The following ITCH variants were observed in gnomAD, a reference collection of about 807,000 sequenced individuals.
ITCH encodes itchy E3 ubiquitin protein ligase.
In ITCH, 28 loss-of-function variants were observed where a neutral mutation model predicts 126.8. The ratio of observed to expected loss-of-function variants is 0.22; its 90% CI spans 0.16 to 0.30. The LOEUF is 0.30. Ranked by LOEUF, ITCH falls within the 10% of genes least tolerant of loss-of-function variation. The pLI is 1.00. For synonymous variants in ITCH, 342 were observed against 340.0 expected (o/e 1.01, Z -0.06); for missense variants, 631 against 1,032.4 (o/e 0.61, Z 5.33).
chr20:34,426,673 A>C, intron 7 of ITCH, among the ~76,000 whole-genome samples: 1 of 150,174 alleles, frequency 6.7e-6, no homozygotes. Context: ...CTGGTCTTGA[A>C]CTCCTGATCT....
intron 6 of ITCH, among the ~76,000 whole-genome samples, chr20:34,421,310 A>G (rs1980733125): frequency 6.6e-6 from 1 of 152,128 alleles, no homozygotes; most frequent in African/African-American, 2.4e-5. Context: ...TGAGATTGCT[A>G]GACACCCAAG....
chr20:34,437,564 C>T (rs1199445344), intron 7 of ITCH, among the ~76,000 whole-genome samples: 5 of 152,222 alleles, frequency 3.3e-5, no homozygotes, highest in Non-Finnish European at 7.3e-5. Flanking sequence ...ACCTCAGCTT[C>T]CCAAAGTGCT....
At chr20:34,461,973 A>T in intron 13 of ITCH, 120 bp from the exon 14 acceptor site, 1 of 950,640 alleles carries the variant, frequency 1.1e-6, no homozygotes, top group Non-Finnish European at 1.6e-6. Flanking sequence ...CAACTGAATT[A>T]CTGAACTGAA....
intron 11 of ITCH, 107 bp downstream of exon 11, chr20:34,445,568 C>A (rs1984356829): frequency 2.9e-6 from 3 of 1,021,204 alleles, no homozygotes; most frequent in East Asian, 2.5e-5. Context: ...GCATGGCAAC[C>A]CAGTTGTTGC....
At chr20:34,430,269 C>A (rs1982106209) in intron 7 of ITCH, among the ~76,000 whole-genome samples, 1 of 152,122 alleles carries the variant, frequency 6.6e-6, no homozygotes, top group Admixed American at 6.6e-5. Context: ...CCTGGAACAG[C>A]CTTACCTTCA....
chr20:34,433,595 T>C (rs1171649545), intron 7 of ITCH, among the ~76,000 whole-genome samples: 1 of 147,136 alleles, frequency 6.8e-6, no homozygotes, highest in Non-Finnish European at 1.5e-5. Context: ...AGGTCAGGGC[T>C]GCAGCGAGCA....
rs2038936634 is a variant in ITCH, at chr20:34,402,930, T to C, written c.71-5721T>C. ...AGTTATTATTAATCGTAATTAAATA[T>C]TACTGCATTTCCCAAATTTATTACA... On this transcript the variant is annotated intron_variant, in intron 3 of 24. Coordinates refer to ENST00000374864, the MANE Select transcript of ITCH (RefSeq NM_031483.7). Among the ~76,000 whole-genome samples the C allele has an allele frequency of 2.0e-5, 3 of 152,212 alleles. No homozygotes were observed. In the South Asian group the frequency reaches 6.2e-4, roughly 32 times the overall value.
At chr20:34,471,673 G>GGTGTGTGTGT (rs10606931) in intron 16 of ITCH, among the ~76,000 whole-genome samples, 158 bp downstream of exon 16, 24 of 69,324 alleles carry the variant, frequency 3.5e-4, no homozygotes, top group South Asian at 9.6e-4. Flanking sequence ...GGGCTTAAGG[G>GGTGTGTGTGT]GTGTGTGTGT....
At chr20:34,413,696 C>T in intron 5 of ITCH, 46 bp from the exon 6 acceptor site, 1 of 1,573,386 alleles carries the variant, frequency 6.4e-7, no homozygotes, top group Non-Finnish European at 8.7e-7. Context: ...GATGCCTTAA[C>T]TGGGAAAAAA....
At chr20:34,486,172 G>A (rs1989097610) in intron 20 of ITCH, among the ~76,000 whole-genome samples, 2 of 151,782 alleles carry the variant, frequency 1.3e-5, no homozygotes, top group Admixed American at 1.3e-4. Context: ...GTACTACCAT[G>A]CCTGGCTTAC....
intron 21 of ITCH, 33 bp downstream of exon 21, chr20:34,489,419 GCTAGTA>G: frequency 1.3e-6 from 2 of 1,597,218 alleles, no homozygotes; most frequent in South Asian, 2.2e-5. Flanking sequence ...CCTGTACCAT[GCTAGTA>G]AATAATGCCT....
intron 3 of ITCH, among the ~76,000 whole-genome samples, chr20:34,398,962 C>T (rs1481616627): frequency 6.6e-6 from 1 of 152,128 alleles, no homozygotes; most frequent in East Asian, 1.9e-4. Flanking sequence ...ATGCTTAGAA[C>T]TAAGTATTTT....
Position 34,481,109 on chromosome 20 carries a change from G to T in ITCH, c.1996G>T (p.Val666Phe). 1 of 1,613,468 alleles carries T rather than the reference G, an allele frequency of 6.2e-7. No individual in the cohort carries two copies. The highest frequency in any genetic ancestry group is 8.5e-7 in the Non-Finnish European group (1 of 1,179,592). Residue 666 changes from valine to phenylalanine, a missense_variant, in exon 20 of 25, where the codon GTT becomes TTT. Around this residue, in one of 4 missense-constraint regions of ITCH, gnomAD observed 390 missense variants for 731.6 expected, o/e 0.53. Coordinates refer to ENST00000374864, the MANE Select transcript of ITCH (RefSeq NM_031483.7). ...ATGTGATTTGGAAATGTACTTCTCC[G>T]TTGACAAAGAAATTCTAGGTGAAAT... ...EECDLEMYFS[V>F]DKEILGEIKS...
chr20:34,396,472 G>A (rs973950829), intron 3 of ITCH, among the ~76,000 whole-genome samples: 1 of 151,762 alleles, frequency 6.6e-6, no homozygotes, highest in African/African-American at 2.4e-5. Flanking sequence ...ATTTTACTCT[G>A]TGTGTGTGCG....
At chr20:34,370,076 C>T (rs904778809) in intron 2 of ITCH, among the ~76,000 whole-genome samples, 4 of 150,544 alleles carry the variant, frequency 2.7e-5, no homozygotes, top group Admixed American at 6.6e-5. Context: ...TGCACTCCAG[C>T]CTGGGTGACA....
chr20:34,368,275 A>G (rs76845536), intron 1 of ITCH, among the ~76,000 whole-genome samples: 1 of 28,958 alleles, frequency 3.5e-5, no homozygotes, highest in Non-Finnish European at 6.1e-5. Flanking sequence ...GTCTCAAAAG[A>G]AAAAAAAAAA....
chr20:34,421,012 G>T (rs373652072), intron 6 of ITCH, among the ~76,000 whole-genome samples: 1 of 152,186 alleles, frequency 6.6e-6, no homozygotes. Flanking sequence ...TTTGCTGCTG[G>T]CCCAAGGCTT....
chr20:34,457,752 G>A (rs1986144557), intron 13 of ITCH, among the ~76,000 whole-genome samples: 1 of 152,222 alleles, frequency 6.6e-6, no homozygotes, highest in South Asian at 2.1e-4. Context: ...AGGCCAGGAA[G>A]ACCTGCGTAA....
At chr20:34,401,702 G>C in intron 3 of ITCH, 1 of 840,254 alleles carries the variant, frequency 1.2e-6, no homozygotes, top group Non-Finnish European at 1.4e-6. Context: ...GCCATCCACT[G>C]GTTAATGAAT....
Sources: gnomAD v4.1 joint callset for allele counts (sites outside exome capture counted in the v4.1 genomes callset) on GRCh38, gnomAD v4.1.1 for gene constraint, gnomAD v4.1.1 regional missense constraint, MANE v1.5 for transcripts, NCBI Gene and HGNC (gene_info 2026-07-23, HGNC 2026-07-21) for gene names.